The following SNUPN variants were observed in gnomAD, a reference collection of about 807,000 sequenced individuals.
The protein encoded by SNUPN is snurportin 1, also known as snurportin-1.
In SNUPN, 31 loss-of-function variants were observed where a neutral mutation model predicts 39.2. The observed-to-expected ratio is 0.79, with a 90% CI of 0.59 to 1.07. The LOEUF (loss-of-function observed/expected upper bound fraction) is 1.07. SNUPN is among the 50% of genes least tolerant of loss of function. SNUPN has a pLI of 0.00. For missense variants in SNUPN, 382 were observed against 434.2 expected, an observed-to-expected ratio of 0.88 and a Z score of 1.07; for synonymous variants, 132 against 159.0, an observed-to-expected ratio of 0.83 and a Z score of 1.28.
intron 8 of SNUPN, among the ~76,000 whole-genome samples, chr15:75,600,351 T>C (rs1022649890): frequency 2.2e-4 from 33 of 151,790 alleles, no homozygotes; most frequent in Non-Finnish European, 4.7e-4. Flanking sequence ...CTCGGCTCAC[T>C]GCAACCTCTG....
At chr15:75,622,523 C>T (rs1213803987) in intron 1 of SNUPN, 2 of 979,974 alleles carry the variant, frequency 2.0e-6, no homozygotes, top group African/African-American at 3.5e-5. Flanking sequence ...AAGGTGAATT[C>T]ACACTTCATT....
chr15:75,614,636 G>A (rs575016743), intron 3 of SNUPN, among the ~76,000 whole-genome samples: 195 of 152,206 alleles, frequency 1.3e-3, no homozygotes, highest in Non-Finnish European at 2.0e-3. Context: ...AATTAGTATG[G>A]GGTTTCTTTT....
intron 8 of SNUPN, 134 bp downstream of exon 8, chr15:75,601,004 T>G (rs1317099292): frequency 2.8e-6 from 2 of 710,314 alleles, no homozygotes; most frequent in South Asian, 3.1e-5. Context: ...AGTACATCCT[T>G]TCTCCAGAAT....
chr15:75,619,228 G>A (rs1164700945), intron 2 of SNUPN, among the ~76,000 whole-genome samples: 2 of 151,504 alleles, frequency 1.3e-5, no homozygotes, highest in Non-Finnish European at 2.9e-5. Context: ...GCTACTTGAG[G>A]GGCTGAGGTT....
chr15:75,609,760 C>T, intron 4 of SNUPN, 109 bp from the exon 5 acceptor site: 1 of 1,141,984 alleles, frequency 8.8e-7, no homozygotes, highest in Non-Finnish European at 1.3e-6. Flanking sequence ...CTCAACAAAC[C>T]TTCCTGCAGG....
chr15:75,611,524 T>C (rs1383398424), intron 3 of SNUPN, among the ~76,000 whole-genome samples: 1 of 151,344 alleles, frequency 6.6e-6, no homozygotes, highest in East Asian at 2.1e-4. Context: ...AGTGCTGGGA[T>C]TACAGGCATG....
intron 3 of SNUPN, among the ~76,000 whole-genome samples, chr15:75,612,101 C>G (rs1407012330): frequency 6.7e-6 from 1 of 149,510 alleles, no homozygotes; most frequent in Non-Finnish European, 1.5e-5. Context: ...GGCACAATCT[C>G]GGTTCACTGC....
chr15:75,617,389 T>A lies in SNUPN; in HGVS notation c.303+19A>T, dbSNP rs1892964598. The A allele has an allele frequency of 1.9e-6, 3 of 1,610,660 alleles. No individual in the cohort carries two copies. Among genetic ancestry groups the A allele is most frequent in the Non-Finnish European group, 1.7e-6 (2 of 1,178,486 alleles). Reference sequence around the variant, plus strand: ...AGGGAGTGAGATTAGCTGGGTCTCATCTTCTCTGGACCACTTACTTGATTA... The same window carrying A: ...AGGGAGTGAGATTAGCTGGGTCTCAACTTCTCTGGACCACTTACTTGATTA... On this transcript the variant is annotated intron_variant, in intron 3 of 8. Coordinates refer to ENST00000308588, the MANE Select transcript of SNUPN (RefSeq NM_005701.4).
rs374315139 is a variant in SNUPN at position 75,599,876 on chromosome 15, C to T, written c.760-1195G>A. 2.3e-4 allele frequency among the ~76,000 whole-genome samples: 34 copies of T among 148,708 alleles called. 1 individual carries two copies. Among genetic ancestry groups the T allele is most frequent in the East Asian group, 1.8e-3 (9 of 5,088 alleles). On this transcript the variant is annotated intron_variant, in intron 8 of 8. Transcript: ENST00000308588. ...TTTCTTTCTGAGATGGAGTTTCGCT[C>T]GTTGCCCAGGCTGCAGTGGAGTGCG...
intron 3 of SNUPN, among the ~76,000 whole-genome samples, chr15:75,611,326 C>T (rs1892772885): frequency 6.6e-6 from 1 of 150,570 alleles, no homozygotes; most frequent in Admixed American, 6.6e-5. Context: ...TATCTCAGCT[C>T]ACTGCAAGCT....
intron 8 of SNUPN, among the ~76,000 whole-genome samples, chr15:75,599,103 A>C (rs2075265106): frequency 6.6e-6 from 1 of 151,966 alleles, no homozygotes; most frequent in Admixed American, 6.6e-5. Flanking sequence ...CAGTAGGCAG[A>C]GGATGCAGTG....
chr15:75,609,951 C>T lies in SNUPN; in HGVS notation c.347G>A (p.Gly116Glu), dbSNP rs758634751. 13 of 1,613,924 alleles carry T rather than the reference C, an allele frequency of 8.1e-6. No individual in the cohort carries two copies. Among genetic ancestry groups the T allele is most frequent in the Non-Finnish European group, 1.0e-5 (12 of 1,180,028 alleles). Residue 116 changes from glycine to glutamate, a missense_variant, in exon 4 of 9, where the codon GGG becomes GAG. Gly to Glu is a moderately conservative substitution (Grantham distance 98, BLOSUM62 -2). Coordinates refer to ENST00000308588, the MANE Select transcript of SNUPN (RefSeq NM_005701.4). ...GCACACGACCACAATCCATTCCTGC[C>T]CCAAATCTGAAGGAACGTCAATTAA... is the stretch of plus-strand genomic sequence containing the variant. Reference protein sequence around the residue: ...EWLIDVPSDLGQEWIVVVCPV... With the variant: ...EWLIDVPSDLEQEWIVVVCPV...
intron 5 of SNUPN, among the ~76,000 whole-genome samples, chr15:75,607,708 C>G (rs2075341849): frequency 1.3e-5 from 2 of 152,132 alleles, no homozygotes; most frequent in Admixed American, 6.5e-5. Context: ...ATATTCCCTG[C>G]CTTTAAGGAA....
intron 1 of SNUPN, among the ~76,000 whole-genome samples, chr15:75,624,088 C>T (rs1028735691): frequency 8.0e-5 from 12 of 149,666 alleles, no homozygotes; most frequent in African/African-American, 2.9e-4. Context: ...CCACTACGCC[C>T]GGCTAATTTT....
chr15:75,617,423 T>A lies in SNUPN; in HGVS notation c.288A>T (p.Lys96Asn). 6.2e-7 allele frequency: 1 copy of A among 1,613,986 alleles called. No homozygotes were observed. The highest frequency in any genetic ancestry group is 8.5e-7 in the Non-Finnish European group (1 of 1,179,954). ...MDIDTVKKLP[K>N]HYANQLMLSE... ...GACCACTTACTTGATTAGCATAGTG[T>A]TTTGGTAACTTCTTGACAGTGTCAA... The change falls in exon 3 of 9, where the codon AAA becomes AAT. Residue 96 changes from lysine to asparagine, a missense_variant. Lys to Asn is a moderately conservative substitution (Grantham distance 94). Coordinates refer to ENST00000308588, the MANE Select transcript of SNUPN (RefSeq NM_005701.4).
rs778092044 is a variant in SNUPN at position 75,617,398 on chromosome 15, G to C, written c.303+10C>G. 2 of 1,612,268 alleles carry C rather than the reference G, an allele frequency of 1.2e-6. No individual in the cohort carries two copies. Among genetic ancestry groups the C allele is most frequent in the Non-Finnish European group, 8.5e-7 (1 of 1,179,266 alleles). Reference sequence around the variant, plus strand: ...GATTAGCTGGGTCTCATCTTCTCTGGACCACTTACTTGATTAGCATAGTGT... The same window carrying C: ...GATTAGCTGGGTCTCATCTTCTCTGCACCACTTACTTGATTAGCATAGTGT... On this transcript the variant is annotated intron_variant, in intron 3 of 8. Coordinates refer to ENST00000308588, the MANE Select transcript of SNUPN (RefSeq NM_005701.4).
At chr15:75,604,710 G>A (rs1016776128) in intron 7 of SNUPN, among the ~76,000 whole-genome samples, 3 of 152,142 alleles carry the variant, frequency 2.0e-5, no homozygotes, top group African/African-American at 4.8e-5. Context: ...ACTTAACTTA[G>A]TAATAAATTT....
intron 6 of SNUPN, among the ~76,000 whole-genome samples, chr15:75,605,703 T>C (rs972361358): frequency 6.6e-6 from 1 of 152,226 alleles, no homozygotes; most frequent in Admixed American, 6.6e-5. Context: ...GTTACCAAAT[T>C]TGTAGGTTGT....
chr15:75,623,925 ATT>A (rs144317163), intron 1 of SNUPN, among the ~76,000 whole-genome samples: 1,226 of 118,370 alleles, frequency 0.01, 8 homozygotes, highest in Middle Eastern at 0.027. Context: ...TCATGATAAA[ATT>A]TTTTTTTTTT....
Sources: gnomAD v4.1 joint callset for allele counts (sites outside exome capture counted in the v4.1 genomes callset) on GRCh38, gnomAD v4.1.1 for gene constraint, MANE v1.5 for transcripts, NCBI Gene and HGNC (gene_info 2026-07-23, HGNC 2026-07-21) for gene names.